The following FAM199X variants were observed in gnomAD, a reference collection of about 807,000 sequenced individuals.
FAM199X encodes family with sequence similarity 199, X-linked, also known as protein FAM199X.
Under a neutral mutation model 22.9 loss-of-function variants are expected in FAM199X, and 4 were observed. The ratio of observed to expected loss-of-function variants is 0.17; its 90% confidence interval spans 0.09 to 0.40. The LOEUF (loss-of-function observed/expected upper bound fraction) is 0.40, where lower values mean the gene tolerates loss of function less well. Ranked by LOEUF, FAM199X falls within the 10% of genes least tolerant of loss-of-function variation. The probability of loss-of-function intolerance (pLI) is 1.00; values close to 1 mark genes in which losing one functional copy is unlikely to be tolerated. For missense variants in FAM199X, 183 were observed against 306.8 expected, an observed-to-expected ratio of 0.60 and a Z score of 3.01; for synonymous variants, 101 against 112.3, an observed-to-expected ratio of 0.90 and a Z score of 0.64.
chrX:104,177,089 C>G (rs1372211619), intron 2 of FAM199X, among the ~76,000 whole-genome samples: 2 of 111,348 alleles, frequency 1.8e-5, no homozygotes, highest in Non-Finnish European at 3.8e-5. Flanking sequence ...TCTGTCAACC[C>G]CAAAAGAAAT....
chrX:104,186,116 A>G lies in FAM199X; in HGVS notation c.468A>G (p.Ile156Met), dbSNP rs868970547. 14 of 1,210,515 alleles carry G rather than the reference A, an allele frequency of 1.2e-5. No homozygotes were observed. In the Middle Eastern group the frequency reaches 3.2e-3, roughly 278 times the overall value. ...ASGSDVLSDV[I>M]PSIPSSPCLL... ...GGAGTGATGTACTTTCTGATGTCATACCCAGTATTCCAAGTTCACCTTGCC... is the reference window on the plus strand; with the variant it reads ...GGAGTGATGTACTTTCTGATGTCATGCCCAGTATTCCAAGTTCACCTTGCC... Residue 156 changes from isoleucine (I) to methionine (M), a missense_variant, in exon 3 of 6, where the codon ATA becomes ATG. This residue lies in a region of FAM199X where 128 missense variants were observed against 246.2 expected (regional missense o/e 0.52). Transcript: ENST00000493442.
intron 2 of FAM199X, among the ~76,000 whole-genome samples, chrX:104,183,757 G>A (rs957249557): frequency 8.0e-5 from 9 of 112,046 alleles, no homozygotes; most frequent in East Asian, 5.6e-4. Flanking sequence ...AAGCCACTGC[G>A]CCCAGCCGTT....
At chrX:104,163,685 CCT>C (rs1159906958), upstream of FAM199X, among the ~76,000 whole-genome samples, 2 of 108,817 alleles carry the variant, frequency 1.8e-5, no homozygotes, top group Non-Finnish European at 3.8e-5. Context: ...TATGGAGGGA[CCT>C]CTTTTTTTTT....
chrX:104,167,028 C>A, intron 1 of FAM199X, 46 bp downstream of exon 1: 1 of 1,054,730 alleles, frequency 9.5e-7, no homozygotes, highest in Non-Finnish European at 1.2e-6. Context: ...CACTTCTGGT[C>A]GCCCCCCGCT....
upstream of FAM199X, among the ~76,000 whole-genome samples, chrX:104,165,295 G>A (rs1402306269): frequency 2.7e-5 from 3 of 112,277 alleles, no homozygotes; most frequent in Admixed American, 9.4e-5. Context: ...AGGCACGTTG[G>A]AGAAGCTGTT....
chrX:104,163,010 T>C (rs782494390), upstream of FAM199X, among the ~76,000 whole-genome samples: 1 of 110,885 alleles, frequency 9.0e-6, no homozygotes, highest in South Asian at 3.7e-4. Context: ...TTTGTGCAAG[T>C]TGAGGTTTTC....
intron 2 of FAM199X, among the ~76,000 whole-genome samples, chrX:104,183,975 T>C (rs1256470451): frequency 1.8e-5 from 2 of 111,908 alleles, no homozygotes; most frequent in African/African-American, 6.5e-5. Flanking sequence ...TGTGGTTTCA[T>C]GTATTTCTTT....
upstream of FAM199X, among the ~76,000 whole-genome samples, chrX:104,165,022 T>G (rs1921128432): frequency 8.9e-6 from 1 of 112,507 alleles, no homozygotes; most frequent in South Asian, 3.7e-4. Flanking sequence ...CTCTTGTTTT[T>G]GGGGACTAAG....
upstream of FAM199X, among the ~76,000 whole-genome samples, chrX:104,162,678 G>C (rs1235790526): frequency 8.9e-6 from 1 of 112,150 alleles, no homozygotes; most frequent in East Asian, 2.8e-4. Context: ...ATGGAGGAAA[G>C]ATAGTCTTTT....
At chrX:104,177,321 A>G (rs782483954) in intron 2 of FAM199X, among the ~76,000 whole-genome samples, 1 of 112,078 alleles carries the variant, frequency 8.9e-6, no homozygotes, top group Admixed American at 9.5e-5. Flanking sequence ...CTAATATTCC[A>G]TTGTGTAGAT....
In FAM199X at chrX:104,190,712, C is replaced by T. The variant is rs1267692568; in HGVS notation, c.*934C>T. The T allele has an allele frequency of 9.0e-6, 1 of 110,852 alleles. No homozygotes were observed. Among genetic ancestry groups the T allele is most frequent in the Non-Finnish European group, 1.9e-5 (1 of 52,917 alleles). The allele number at this position is 110,852 out of a possible 1,213,427, so 9.1% of individuals were successfully genotyped here. A position where few individuals can be genotyped will look rare whatever the true frequency, so the allele number is the denominator to read the frequency against. On this transcript the variant is annotated 3_prime_UTR_variant, in exon 6 of 6. Transcript: ENST00000493442. ...GTAGGTCATTTTTTTTTCAGCACAG[C>T]TCTAATTTTTAAATATTTGGTATAA...
Position 104,194,467 on chromosome X carries a change from C to T in FAM199X, c.*4689C>T, listed in dbSNP as rs1377049233. The T allele has an allele frequency of 8.9e-6, 1 of 112,470 alleles. No homozygotes were observed. The highest frequency in any genetic ancestry group is 1.9e-5 in the Non-Finnish European group (1 of 53,172). The allele number at this position is 112,470 out of a possible 1,213,427, so 9.3% of individuals were successfully genotyped here. ...TGAAGCCATGACTAGTTTTGTGGAGCTGCTGGCTCTTTTAACAGTAGCTGA... is the reference window on the plus strand; with the variant it reads ...TGAAGCCATGACTAGTTTTGTGGAGTTGCTGGCTCTTTTAACAGTAGCTGA... On this transcript the variant is annotated 3_prime_UTR_variant, in exon 6 of 6. Coordinates refer to ENST00000493442, the MANE Select transcript of FAM199X (RefSeq NM_207318.4).
upstream of FAM199X, among the ~76,000 whole-genome samples, chrX:104,165,594 T>G (rs1921147818): frequency 8.9e-6 from 1 of 112,234 alleles, no homozygotes; most frequent in South Asian, 3.7e-4. Context: ...AAAAATTGTC[T>G]TCTTTGGGCA....
intron 1 of FAM199X, 147 bp downstream of exon 1, chrX:104,167,129 C>G: frequency 2.1e-6 from 1 of 473,551 alleles, no homozygotes; most frequent in Admixed American, 5.3e-5. Flanking sequence ...TCCCTGCCCC[C>G]CCTCCCTATT....
At chrX:104,187,152 C>T (rs1556379368) in intron 4 of FAM199X, among the ~76,000 whole-genome samples, 3 of 106,782 alleles carry the variant, frequency 2.8e-5, no homozygotes, top group African/African-American at 1.0e-4. Context: ...GACGCGATCT[C>T]GGCTCACTGC....
At chrX:104,171,127 C>A (rs2147889702) in intron 1 of FAM199X, among the ~76,000 whole-genome samples, 1 of 111,561 alleles carries the variant, frequency 9.0e-6, no homozygotes, top group Non-Finnish European at 1.9e-5. Flanking sequence ...AAAGGGGGTG[C>A]AGAGGAATGT....
At chrX:104,165,824 C>G (rs781802723), upstream of FAM199X, among the ~76,000 whole-genome samples, 3 of 111,258 alleles carry the variant, frequency 2.7e-5, no homozygotes, top group Non-Finnish European at 5.7e-5. Flanking sequence ...GCCTTAGTCT[C>G]CTTTGGGAGT....
At chrX:104,171,215 T>C (rs1556375332) in intron 1 of FAM199X, among the ~76,000 whole-genome samples, 1 of 111,354 alleles carries the variant, frequency 9.0e-6, no homozygotes, top group Non-Finnish European at 1.9e-5. Context: ...GTCCTTAGTC[T>C]GTATATTCTT....
In FAM199X at chrX:104,188,119, C is replaced by T. The variant is rs782727044; in HGVS notation, c.809C>T (p.Ala270Val). 1.7e-6 allele frequency: 2 copies of T among 1,211,709 alleles called. No homozygotes were observed. The highest frequency in any genetic ancestry group is 2.2e-6 in the Non-Finnish European group (2 of 895,532). ...TGGAAGAGAAGCAACTTTAGTTGTG[C>T]AAGCACCAGTGGAGTGAGCGGTGCC... ...EAWKRSNFSC[A>V]STSGVSGASA... is the part of the protein sequence containing the mutation. Residue 270 changes from alanine to valine, a missense_variant, in exon 5 of 6, where the codon GCA (alanine) becomes GTA (valine). Ala to Val is a moderately conservative substitution (Grantham distance 64). Around this residue, in one of 2 missense-constraint regions of FAM199X, gnomAD observed 128 missense variants for 246.2 expected, o/e 0.52. Coordinates refer to ENST00000493442, the MANE Select transcript of FAM199X (RefSeq NM_207318.4).
Sources: allele counts gnomAD v4.1 joint callset (sites outside exome capture counted in the v4.1 genomes callset), GRCh38; gene constraint gnomAD v4.1.1; regional missense constraint gnomAD v4.1.1; transcripts MANE v1.5; gene names NCBI Gene and HGNC (gene_info 2026-07-23, HGNC 2026-07-21).